Variants in CCDC154 observed in about 807,000 individuals in gnomAD.
The protein encoded by CCDC154 is coiled-coil domain-containing protein 154.
A neutral mutation model predicts 87.5 loss-of-function variants in CCDC154; 91 were observed. The ratio of observed to expected loss-of-function variants is 1.04; its 90% CI spans 0.88 to 1.24. The LOEUF is 1.24. Among genes scored for constraint, CCDC154 ranks in the 50% most tolerant of loss-of-function variants. The pLI, the probability that CCDC154 is intolerant of heterozygous loss-of-function variation, is 0.00. For synonymous variants in CCDC154, 418 were observed against 400.4 expected (o/e 1.04, Z -0.52); for missense variants, 903 against 879.2 (o/e 1.03, Z -0.34).
intron 5 of CCDC154, 132 bp downstream of exon 5, chr16:1,442,748 T>C (rs1389777189): frequency 5.5e-6 from 6 of 1,082,206 alleles, no homozygotes; most frequent in Non-Finnish European, 7.9e-6. Context: ...CCCAGCACGC[T>C]TGGCACCGAG....
rs373858031 is a variant in CCDC154, at chr16:1,444,304, C to T, written c.7+12G>A. 2.6e-4 allele frequency: 335 copies of T among 1,302,304 alleles called. No individual in the cohort carries two copies. The highest frequency in any genetic ancestry group is 3.1e-4 in the Non-Finnish European group (310 of 988,854). The allele number at this position is 1,302,304 out of a possible 1,614,324, so 80.7% of individuals were successfully genotyped here. A position where few individuals can be genotyped will look rare whatever the true frequency, so the allele number is the denominator to read the frequency against. On this transcript the variant is annotated intron_variant, in intron 1 of 16. Coordinates refer to ENST00000389176, the MANE Select transcript of CCDC154 (RefSeq NM_001143980.3). ...AGCCCCTCCCTGGGCCCCGCTCCTCCGCTCTGGTCACCTGACATGGCTGCT... is the reference window on the plus strand; with the variant it reads ...AGCCCCTCCCTGGGCCCCGCTCCTCTGCTCTGGTCACCTGACATGGCTGCT...
At chr16:1,442,578 A>T in intron 5 of CCDC154, 49 bp from the exon 6 acceptor site, 3 of 1,482,578 alleles carry the variant, frequency 2.0e-6, no homozygotes, top group South Asian at 2.7e-5. Flanking sequence ...CGGAGGGCCC[A>T]GCAGGGTGAG....
intron 14 of CCDC154, 46 bp from the exon 15 acceptor site, chr16:1,435,221 C>A (rs1405646922): frequency 6.6e-7 from 1 of 1,507,910 alleles, no homozygotes. Flanking sequence ...AGTCTGCTGG[C>A]ATCCTGCTGT....
chr16:1,444,245 A>C, intron 1 of CCDC154, 71 bp downstream of exon 1: 3 of 1,275,508 alleles, frequency 2.4e-6, no homozygotes, highest in South Asian at 1.3e-5. Flanking sequence ...CCGGGGTCAG[A>C]AGCAGAGCGG....
Position 1,439,077 on chromosome 16 carries a change from C to A in CCDC154, c.725G>T (p.Arg242Met). The A allele has an allele frequency of 6.5e-7, 1 of 1,550,278 alleles. No homozygotes were observed. The highest frequency in any genetic ancestry group is 1.2e-5 in the South Asian group (1 of 84,064). ...GEEVSLRFLK[R>M]EAKLCGFLQK... ...CAGGAAGCCGCACAGCTTGGCCTCC[C>A]TCTTCAGGAAGCGCAGGCTCACCTC... The change falls in exon 7 of 17, where the codon AGG (arginine) becomes ATG (methionine). Residue 242 changes from arginine to methionine, a missense_variant. Physicochemically the swap from Arg to Met is moderately conservative, Grantham distance 91 (BLOSUM62 -1). Transcript: ENST00000389176.
At chr16:1,443,006 C>T (rs1292568936) in intron 4 of CCDC154, 31 bp from the exon 5 acceptor site, 1 of 1,548,982 alleles carries the variant, frequency 6.5e-7, no homozygotes, top group South Asian at 1.2e-5. Flanking sequence ...CCCGAGAGGC[C>T]CAGGCGGGCT....
intron 6 of CCDC154, among the ~76,000 whole-genome samples, chr16:1,440,003 G>A (rs576997756): frequency 2.0e-4 from 31 of 152,114 alleles, no homozygotes; most frequent in African/African-American, 7.2e-4. Context: ...ACAGAAAGTA[G>A]CCAGACATGG....
At chr16:1,436,970 C>A (rs1158986849) in intron 11 of CCDC154, among the ~76,000 whole-genome samples, 159 bp from the exon 12 acceptor site, 1 of 152,192 alleles carries the variant, frequency 6.6e-6, no homozygotes, top group Non-Finnish European at 1.5e-5. Flanking sequence ...GATGGCCTGG[C>A]CGGGCACGCT....
Position 1,443,975 on chromosome 16 carries a change from A to G in CCDC154, c.45T>C (p.Pro15=). ...ADSGPSGASA[P]SQLRAVTLED... ...CCAGGGTGACGGCTCTCAGCTGGGA[A>G]GGGGCCGATGCCCCTGAGGGTCCAC... The change falls in exon 2 of 17, where the codon CCT becomes CCC. Residue 15 remains proline, a synonymous_variant. Coordinates refer to ENST00000389176, the MANE Select transcript of CCDC154 (RefSeq NM_001143980.3). 7.7e-7 allele frequency: 1 copy of G among 1,302,576 alleles called. No homozygotes were observed. Among genetic ancestry groups the G allele is most frequent in the African/African-American group, 1.5e-5 (1 of 65,998 alleles). The allele number at this position is 1,302,576 out of a possible 1,614,324, so 80.7% of individuals were successfully genotyped here. A position where few individuals can be genotyped will look rare whatever the true frequency, so the allele number is the denominator to read the frequency against.
intron 6 of CCDC154, among the ~76,000 whole-genome samples, chr16:1,441,546 G>A (rs1015685322): frequency 2.7e-4 from 41 of 152,332 alleles, no homozygotes; most frequent in Admixed American, 2.6e-4. Context: ...CTCCAGCCCC[G>A]TGGGTGGGAC....
intron 15 of CCDC154, 67 bp from the exon 16 acceptor site, chr16:1,434,919 C>A: frequency 6.9e-7 from 1 of 1,448,846 alleles, no homozygotes; most frequent in Non-Finnish European, 9.1e-7. Flanking sequence ...CAAACGGGGG[C>A]TTATCTCCCA....
Position 1,438,700 on chromosome 16 carries a change from G to A in CCDC154, c.944C>T (p.Ala315Val), listed in dbSNP as rs1300148280. Residue 315 changes from alanine (A) to valine (V), a missense_variant, in exon 9 of 17, where the codon GCT becomes GTT. By Grantham distance (64) the Ala-to-Val change is moderately conservative (BLOSUM62 0). Transcript: ENST00000389176. ...HLLEQCQGLD[A>V]AVAQLTKFVQ... ...AAACTTGGTCAGCTGGGCCACGGCAGCATCCAGGCCCTGGCACTGCTCCAG... is the reference window on the plus strand; with the variant it reads ...AAACTTGGTCAGCTGGGCCACGGCAACATCCAGGCCCTGGCACTGCTCCAG... The A allele has an allele frequency of 5.8e-6, 9 of 1,549,946 alleles. No homozygotes were observed. The East Asian group carries it at 2.2e-4, about 38-fold the overall frequency.
Position 1,437,131 on chromosome 16 carries a change from C to T in CCDC154, c.1291-320G>A, listed in dbSNP as rs777133615. ...TCGCCCACGTTTGCAGCCGCGCTCG[C>T]GTGTCGGTGGATGAGCGGGAACCGG... On this transcript the variant is annotated intron_variant, in intron 11 of 16. Coordinates refer to ENST00000389176, the MANE Select transcript of CCDC154 (RefSeq NM_001143980.3). 4 of 377,394 alleles carry T rather than the reference C, an allele frequency of 1.1e-5. No homozygotes were observed. The South Asian group carries it at 1.4e-4, about 13-fold the overall frequency. 23.4% of individuals were successfully genotyped at this position (377,394 alleles called of 1,614,324 possible). A position where few individuals can be genotyped will look rare whatever the true frequency, so the allele number is the denominator to read the frequency against.
At position 1,443,870 on chromosome 16, in the gene CCDC154, C is replaced by A. The variant is rs1186317358; in HGVS notation, c.150G>T (p.Glu50Asp). 3.1e-5 allele frequency: 40 copies of A among 1,304,184 alleles called. No homozygotes were observed. The highest frequency in any genetic ancestry group is 3.9e-5 in the Non-Finnish European group (39 of 989,006). The allele number at this position is 1,304,184 out of a possible 1,614,324, so 80.8% of individuals were successfully genotyped here. A position where few individuals can be genotyped will look rare whatever the true frequency, so the allele number is the denominator to read the frequency against. Reference protein sequence around the residue: ...LSLEELSERYESSHPTSTASV... With the variant: ...LSLEELSERYDSSHPTSTASV... ...AGGCCGTGGATGTCGGATGGCTGGACTCATACCTCTCCGAGAGCTCCTCCA... is the reference window on the plus strand; with the variant it reads ...AGGCCGTGGATGTCGGATGGCTGGAATCATACCTCTCCGAGAGCTCCTCCA... Residue 50 changes from glutamate to aspartate, a missense_variant, in exon 2 of 17, where the codon GAG becomes GAT. Coordinates refer to ENST00000389176, the MANE Select transcript of CCDC154 (RefSeq NM_001143980.3).
At chr16:1,435,360 A>T in intron 14 of CCDC154, 185 bp from the exon 15 acceptor site, 3 of 629,434 alleles carry the variant, frequency 4.8e-6, no homozygotes, top group Non-Finnish European at 8.4e-6. Context: ...GCAGCCTGAG[A>T]GTGGCCCTGC....
At position 1,438,692 on chromosome 16, in the gene CCDC154, C is replaced by T. The variant is rs773413556; in HGVS notation, c.952G>A (p.Ala318Thr). The change falls in exon 9 of 17, where the codon GCC (alanine) becomes ACC (threonine). Residue 318 changes from alanine to threonine, a missense_variant. Physicochemically the swap from Ala to Thr is moderately conservative, Grantham distance 58 (BLOSUM62 0). Transcript: ENST00000389176. ...EQCQGLDAAV[A>T]QLTKFVQQNQ... ...TGCTGCACAAACTTGGTCAGCTGGG[C>T]CACGGCAGCATCCAGGCCCTGGCAC... 4.5e-6 allele frequency: 7 copies of T among 1,549,966 alleles called. No homozygotes were observed. Among genetic ancestry groups the T allele is most frequent in the African/African-American group, 1.4e-5 (1 of 73,040 alleles).
At chr16:1,435,349 G>A (rs371851179) in intron 14 of CCDC154, 174 bp from the exon 15 acceptor site, 9 of 643,072 alleles carry the variant, frequency 1.4e-5, no homozygotes, top group Middle Eastern at 3.7e-4. Flanking sequence ...CTGAGGAAGC[G>A]GCAGCCTGAG....
Position 1,435,101 on chromosome 16 carries a change from AGT to A in CCDC154, c.1678_1679del (p.Thr560Ter). 6.5e-7 allele frequency: 1 copy of A among 1,549,716 alleles called. No homozygotes were observed. The highest frequency in any genetic ancestry group is 8.7e-7 in the Non-Finnish European group (1 of 1,146,784). ...AAGGCCTCCTCACCAGCCGGGCCTCAGTGTTGAACCTGAGGTTCTGGATGGTC... is the reference window on the plus strand; with the variant it reads ...AAGGCCTCCTCACCAGCCGGGCCTCAGTTGAACCTGAGGTTCTGGATGGTC... The part of the protein sequence containing the change: ...NKTIQNLRFN[T>X]EARLRTQEMA... On this transcript the variant is annotated frameshift_variant, in exon 15 of 17. Coordinates refer to ENST00000389176, the MANE Select transcript of CCDC154 (RefSeq NM_001143980.3). LOFTEE classifies it high-confidence loss of function.
At chr16:1,442,746 G>A (rs1427622987) in intron 5 of CCDC154, 134 bp downstream of exon 5, 12 of 1,068,720 alleles carry the variant, frequency 1.1e-5, no homozygotes, top group South Asian at 6.3e-5. Flanking sequence ...TTCCCAGCAC[G>A]CTTGGCACCG....
Sources: gnomAD v4.1 joint callset for allele counts (sites outside exome capture counted in the v4.1 genomes callset) on GRCh38, gnomAD v4.1.1 for gene constraint, MANE v1.5 for transcripts, NCBI Gene and HGNC (gene_info 2026-07-23, HGNC 2026-07-21) for gene names.